NTM: variants seen among roughly 807,000 people sequenced by gnomAD.
NTM encodes neurotrimin, also known as IgLON family member 2.
In NTM, 13 loss-of-function variants were observed where a neutral mutation model predicts 42.1. That is an observed-to-expected ratio of 0.31 (90% confidence interval 0.20 to 0.49). The LOEUF (loss-of-function observed/expected upper bound fraction) is 0.49, where lower values mean the gene tolerates loss of function less well. NTM is among the 20% of genes least tolerant of loss of function. NTM has a pLI of 0.99. For synonymous variants in NTM, 187 were observed against 179.2 expected, an observed-to-expected ratio of 1.04 and a Z score of -0.35; for missense variants, 373 against 452.8, an observed-to-expected ratio of 0.82 and a Z score of 1.60.
chr11:132,217,951 A>G (rs192066992), intron 4 of NTM, among the ~76,000 whole-genome samples: 44 of 152,226 alleles, frequency 2.9e-4, no homozygotes, highest in African/African-American at 1.1e-3. Flanking sequence ...CAAGCAGGAC[A>G]CTAAAGCACT....
intron 1 of NTM, among the ~76,000 whole-genome samples, chr11:131,678,430 G>A (rs1225897579): frequency 2.0e-5 from 3 of 152,238 alleles, no homozygotes; most frequent in Non-Finnish European, 2.9e-5. Context: ...GAAGCCATGA[G>A]GGCAGCTGAG....
chr11:132,151,395 C>T (rs1301829027), intron 3 of NTM, among the ~76,000 whole-genome samples: 3 of 152,212 alleles, frequency 2.0e-5, no homozygotes, highest in African/African-American at 7.2e-5. Context: ...AAAGGTCCTC[C>T]TTATCCAAGT....
At chr11:132,315,070 A>G (rs985623499) in intron 7 of NTM, 23 of 1,031,112 alleles carry the variant, frequency 2.2e-5, no homozygotes, top group Admixed American at 5.7e-5. Flanking sequence ...AATGCCAAAA[A>G]TGACATTTGA....
chr11:131,628,261 C>T (rs2063318346), intron 1 of NTM, among the ~76,000 whole-genome samples: 1 of 152,204 alleles, frequency 6.6e-6, no homozygotes, highest in South Asian at 2.1e-4. Flanking sequence ...CGGGTGACCC[C>T]TTCCTCCCAG....
At chr11:131,375,668 G>A (rs116907132) in intron 1 of NTM, among the ~76,000 whole-genome samples, 1 of 152,306 alleles carries the variant, frequency 6.6e-6, no homozygotes, top group Non-Finnish European at 1.5e-5. Flanking sequence ...GGAGGATGGA[G>A]CTGGAGGTAG....
chr11:131,370,761 A>T lies in NTM; in HGVS notation c.-46A>T. ...TCTATCAGGAAAGAAAGAAAGAAAA[A>T]AACCGAACCTGACAAAAAAGAAGAA... is the stretch of plus-strand genomic sequence containing the variant. On this transcript the variant is annotated 5_prime_UTR_variant, in exon 1 of 9. Transcript: ENST00000683400. 6.5e-7 allele frequency: 1 copy of T among 1,541,122 alleles called. No homozygotes were observed. Among genetic ancestry groups the T allele is most frequent in the Non-Finnish European group, 8.9e-7 (1 of 1,121,856 alleles).
chr11:131,420,295 G>A (rs769904830), intron 1 of NTM, among the ~76,000 whole-genome samples: 2 of 152,148 alleles, frequency 1.3e-5, no homozygotes, highest in Non-Finnish European at 2.9e-5. Context: ...GAAAGAGGTT[G>A]GACAGCTGCT....
chr11:131,416,621 C>T lies in NTM; in HGVS notation c.82+45733C>T, dbSNP rs963208711. ...ACTCAATAAACAGATTCAGTCTAAACTTCCATTGTGTGTGGGGACAGGGAT... is the reference window on the plus strand; with the variant it reads ...ACTCAATAAACAGATTCAGTCTAAATTTCCATTGTGTGTGGGGACAGGGAT... On this transcript the variant is annotated intron_variant, in intron 1 of 8. Coordinates refer to ENST00000683400, the MANE Select transcript of NTM (RefSeq NM_001352005.2). 1.3e-4 allele frequency among the ~76,000 whole-genome samples: 20 copies of T among 152,296 alleles called. No individual in the cohort carries two copies. The East Asian group carries it at 3.7e-3, about 28-fold the overall frequency.
intron 1 of NTM, among the ~76,000 whole-genome samples, chr11:131,491,504 T>G (rs942838068): frequency 6.6e-6 from 1 of 152,146 alleles, no homozygotes; most frequent in Non-Finnish European, 1.5e-5. Context: ...TAATTGCATA[T>G]TCTTTTCTTA....
At chr11:132,106,496 A>T (rs2136661304) in intron 2 of NTM, among the ~76,000 whole-genome samples, 1 of 152,336 alleles carries the variant, frequency 6.6e-6, no homozygotes, top group East Asian at 1.9e-4. Flanking sequence ...CCATGTGGAG[A>T]AGCCACGTGA....
At chr11:131,740,014 C>A (rs189276284) in intron 1 of NTM, among the ~76,000 whole-genome samples, 3 of 152,190 alleles carry the variant, frequency 2.0e-5, no homozygotes, top group African/African-American at 4.8e-5. Context: ...TGGAGCCAAG[C>A]GTGGGTTTGA....
At chr11:132,075,711 G>T (rs1594391345) in intron 2 of NTM, among the ~76,000 whole-genome samples, 1 of 152,186 alleles carries the variant, frequency 6.6e-6, no homozygotes, top group Non-Finnish European at 1.5e-5. Context: ...AATTCTTTTA[G>T]CACATAGCCT....
At position 132,307,695 on chromosome 11, in the gene NTM, G is replaced by A. The variant is rs773785743; in HGVS notation, c.533G>A (p.Gly178Asp). 6.2e-7 allele frequency: 1 copy of A among 1,614,130 alleles called. No homozygotes were observed. The highest frequency in any genetic ancestry group is 8.5e-7 in the Non-Finnish European group (1 of 1,179,994). ...GTTACCGGTTTTCCCGCAGCGGTTG[G>A]CTTTGTGAGTGAAGACGAATACTTG... ...TWRHISPKAV[G>D]FVSEDEYLEI... The change falls in exon 5 of 9, where the codon GGC becomes GAC. Residue 178 changes from glycine (G) to aspartate (D), a missense_variant. Gly to Asp is a moderately conservative substitution (Grantham distance 94, BLOSUM62 -1). This residue lies in a region of NTM where 312 missense variants were observed against 353.5 expected (regional missense o/e 0.88). Coordinates refer to ENST00000683400, the MANE Select transcript of NTM (RefSeq NM_001352005.2).
intron 1 of NTM, among the ~76,000 whole-genome samples, chr11:131,714,567 G>GT (rs1047528709): frequency 2.6e-5 from 4 of 152,160 alleles, no homozygotes; most frequent in Admixed American, 6.5e-5. Context: ...GAGAAACAGT[G>GT]TAACAACTAC....
At position 131,716,575 on chromosome 11, in the gene NTM, T is replaced by TATCTGATA. The variant is rs1436265844; in HGVS notation, c.83-194989_83-194988insATCTGATA. Among the ~76,000 whole-genome samples, 643 of 152,354 alleles carry TATCTGATA rather than the reference T, an allele frequency of 4.2e-3. 2 individuals carry two copies. The highest frequency in any genetic ancestry group is 0.015 in the African/African-American group (613 of 41,586). On this transcript the variant is annotated intron_variant, in intron 1 of 8. Transcript: ENST00000683400. ...TCTAATTCTGATAGTGTTATCTCAC[T>TATCTGATA]GTGGTTTTAATTTGCATTTCCCTGA...
chr11:131,947,105 G>A (rs778485795), intron 2 of NTM, among the ~76,000 whole-genome samples: 9 of 152,140 alleles, frequency 5.9e-5, no homozygotes, highest in African/African-American at 9.7e-5. Flanking sequence ...TCTAAAATGT[G>A]ACATTTGCCA....
chr11:132,335,178 TGCC>T lies in NTM; in HGVS notation c.*36_*38del, dbSNP rs751042266. 3.7e-6 allele frequency: 6 copies of T among 1,608,900 alleles called. No homozygotes were observed. The highest frequency in any genetic ancestry group is 1.6e-4 in the Middle Eastern group (1 of 6,080). ...TGCCACTTCCCCACCCGGGAAAGGC[TGCC>T]GCCACCACCACCACCAACACAACAG... On this transcript the variant is annotated 3_prime_UTR_variant, in exon 9 of 9. Transcript: ENST00000683400.
chr11:131,698,575 G>GA lies in NTM; in HGVS notation c.83-212980dup, dbSNP rs1039789556. Among the ~76,000 whole-genome samples, 16 of 150,908 alleles carry GA rather than the reference G, an allele frequency of 1.1e-4. No homozygotes were observed. In the East Asian group the frequency reaches 1.9e-3, roughly 18 times the overall value. On this transcript the variant is annotated intron_variant, in intron 1 of 8. Transcript: ENST00000683400. Reference sequence around the variant, plus strand: ...TTTAAAAACCAGACATTTCCCATTGGAAAAAAAAAGTCCTAAAGATTTAGC... The same window carrying GA: ...TTTAAAAACCAGACATTTCCCATTGGAAAAAAAAAAGTCCTAAAGATTTAGC...
chr11:131,386,567 A>G (rs574894344), intron 1 of NTM, among the ~76,000 whole-genome samples: 1 of 152,340 alleles, frequency 6.6e-6, no homozygotes, highest in South Asian at 2.1e-4. Context: ...GGTGGCAGGA[A>G]GTTAAAGGAG....
Sources: gnomAD v4.1 joint callset for allele counts (sites outside exome capture counted in the v4.1 genomes callset) on GRCh38, gnomAD v4.1.1 for gene constraint, gnomAD v4.1.1 regional missense constraint, MANE v1.5 for transcripts, NCBI Gene and HGNC (gene_info 2026-07-23, HGNC 2026-07-21) for gene names.